Variants in TOR3A observed in about 807,000 individuals in gnomAD.
TOR3A encodes the protein torsin-3A.
A neutral mutation model predicts 42.1 loss-of-function variants in TOR3A; 44 were observed. That is an observed-to-expected ratio of 1.04 (90% CI 0.82 to 1.34). The LOEUF (loss-of-function observed/expected upper bound fraction) is 1.34, where lower values mean the gene tolerates loss of function less well. Among genes scored for constraint, TOR3A ranks in the 40% most tolerant of loss-of-function variants. TOR3A has a pLI of 0.00. For missense variants in TOR3A, 521 were observed against 507.6 expected, an observed-to-expected ratio of 1.03 and a Z score of -0.25; for synonymous variants, 227 against 213.2, an observed-to-expected ratio of 1.06 and a Z score of -0.57.
rs898117000 is a variant in TOR3A at position 179,082,860 on chromosome 1, C to T, written c.260-80C>T. On this transcript the variant is annotated intron_variant, in intron 1 of 5. Transcript: ENST00000367627. The stretch of plus-strand genomic sequence containing the variant: ...GTTCTGGGTGTCCCTCTGTCCCTGA[C>T]AAGTTGTGTGGCAAGGTTGCCGCAT... The T allele has an allele frequency of 2.4e-5, 23 of 939,292 alleles. No individual in the cohort carries two copies. The Admixed American group carries it at 3.0e-4, about 12-fold the overall frequency. The allele number at this position is 939,292 out of a possible 1,614,324, so 58.2% of individuals were successfully genotyped here. A position where few individuals can be genotyped will look rare whatever the true frequency, so the allele number is the denominator to read the frequency against.
chr1:179,092,841 C>CAAAAAAAAAAA (rs1349060090), intron 4 of TOR3A, among the ~76,000 whole-genome samples: 1 of 146,068 alleles, frequency 6.8e-6, no homozygotes, highest in South Asian at 2.2e-4. Flanking sequence ...AACTCTGTCT[C>CAAAAAAAAAAA]AAGAAAAAAA....
Position 179,095,412 on chromosome 1 carries a change from T to TGC in TOR3A, c.*195_*196insCG. 2 of 1,427,104 alleles carry TGC rather than the reference T, an allele frequency of 1.4e-6. No homozygotes were observed. Among genetic ancestry groups the TGC allele is most frequent in the Non-Finnish European group, 1.8e-6 (2 of 1,096,486 alleles). The allele number at this position is 1,427,104 out of a possible 1,614,324, so 88.4% of individuals were successfully genotyped here. ...CCAAGCCAATCCTTTTTCTTTTTTT[T>TGC]GGAGGTCCCACCGAGATAGATAGGA... is the stretch of plus-strand genomic sequence containing the variant. On this transcript the variant is annotated 3_prime_UTR_variant, in exon 6 of 6. Transcript: ENST00000367627.
At chr1:179,087,514 G>A (rs1652463588) in intron 3 of TOR3A, among the ~76,000 whole-genome samples, 1 of 152,214 alleles carries the variant, frequency 6.6e-6, no homozygotes, top group South Asian at 2.1e-4. Context: ...TGTTTTTGTT[G>A]TAGAAGTAAT....
intron 4 of TOR3A, 133 bp from the exon 5 acceptor site, chr1:179,093,960 C>A: frequency 1.7e-6 from 2 of 1,191,092 alleles, no homozygotes; most frequent in African/African-American, 1.5e-5. Flanking sequence ...ACAAGGTCTC[C>A]TGGAAGAGAG....
At position 179,088,072 on chromosome 1, in the gene TOR3A, TA is replaced by T. The variant is rs767536884; in HGVS notation, c.802del (p.Ile268SerfsTer12). 1.3e-5 allele frequency: 20 copies of T among 1,591,848 alleles called. No individual in the cohort carries two copies. Among genetic ancestry groups the T allele is most frequent in the Non-Finnish European group, 1.7e-5 (20 of 1,171,302 alleles). On this transcript the variant is annotated frameshift_variant, in exon 4 of 6. Coordinates refer to ENST00000367627, the MANE Select transcript of TOR3A (RefSeq NM_022371.4). LOFTEE classifies it high-confidence loss of function. ...GCCACAGGGCTGAGTCTCCATGGAC[TA>T]TCTTTCTGTTTCTCAGGTGGGTTCT... ...EGHRAESPWT[I>X]FLFLSNLRGD...
intron 2 of TOR3A, 46 bp downstream of exon 2, chr1:179,083,099 G>A (rs1349060374): frequency 2.4e-6 from 3 of 1,229,004 alleles, no homozygotes; most frequent in Non-Finnish European, 3.3e-6. Flanking sequence ...TGTGGGGAGG[G>A]GAGGCAGTCC....
chr1:179,082,464 C>T (rs1572571439), intron 1 of TOR3A, 77 bp downstream of exon 1: 3 of 1,501,744 alleles, frequency 2.0e-6, no homozygotes, highest in African/African-American at 1.4e-5. Context: ...TCGCCTCGCT[C>T]CTGTCCGGGG....
At position 179,082,978 on chromosome 1, in the gene TOR3A, C is replaced by T. The variant is rs1572571811; in HGVS notation, c.298C>T (p.Leu100Phe). The T allele has an allele frequency of 6.3e-7, 1 of 1,590,062 alleles. No individual in the cohort carries two copies. The highest frequency in any genetic ancestry group is 1.2e-5 in the South Asian group (1 of 86,934). The stretch of plus-strand genomic sequence containing the variant: ...TCTGTTGGGCCAGCGGTACCTGGAC[C>T]TCCTGACCACGTGGTACTGCAGCTT... ...LPLLGQRYLD[L>F]LTTWYCSFKD... is the part of the protein sequence containing the mutation. The change falls in exon 2 of 6, where the codon CTC becomes TTC. Residue 100 changes from leucine to phenylalanine, a missense_variant. Transcript: ENST00000367627.
rs1236243196 is a variant in TOR3A, at chr1:179,087,954, A to C, written c.683A>C (p.His228Pro). The C allele has an allele frequency of 1.2e-6, 2 of 1,610,446 alleles. No homozygotes were observed. The highest frequency in any genetic ancestry group is 1.7e-6 in the Non-Finnish European group (2 of 1,178,372). ...ATCCGGGAGACGCAGCAGCTCTGCC[A>C]CCAGACCCTGTTCATCTTCGATGAA... ...SQIRETQQLC[H>P]QTLFIFDEAE... is the part of the protein sequence containing the mutation. The change falls in exon 4 of 6, where the codon CAC (histidine) becomes CCC (proline). Residue 228 changes from histidine (H) to proline (P), a missense_variant. Physicochemically the swap from His to Pro is moderately conservative, Grantham distance 77. Transcript: ENST00000367627.
rs200597532 is a variant in TOR3A, at chr1:179,095,007, T to A, written c.983T>A (p.Leu328Gln). 36 of 1,614,092 alleles carry A rather than the reference T, an allele frequency of 2.2e-5. No individual in the cohort carries two copies. Among genetic ancestry groups the A allele is most frequent in the Middle Eastern group, 3.3e-4 (2 of 6,084 alleles). The change falls in exon 6 of 6, where the codon CTG (leucine) becomes CAG (glutamine). Residue 328 changes from leucine (L) to glutamine (Q), a missense_variant. Physicochemically the swap from Leu to Gln is moderately radical, Grantham distance 113. Coordinates refer to ENST00000367627, the MANE Select transcript of TOR3A (RefSeq NM_022371.4). Reference sequence around the variant, plus strand: ...CACAGCCGTCTTGTGAAGGAAAACCTGATTGACTACTTCATCCCCTTCCTG... The same window carrying A: ...CACAGCCGTCTTGTGAAGGAAAACCAGATTGACTACTTCATCCCCTTCCTG... ...FGHSRLVKEN[L>Q]IDYFIPFLPL... is the part of the protein sequence containing the mutation.
chr1:179,093,997 T>C (rs1223282792), intron 4 of TOR3A, 96 bp from the exon 5 acceptor site: 35 of 1,472,652 alleles, frequency 2.4e-5, no homozygotes, highest in Non-Finnish European at 3.0e-5. Flanking sequence ...TCAGCCTCTA[T>C]TCTTCCAGGC....
In TOR3A at chr1:179,088,035, G is replaced by A. The variant is rs200040248; in HGVS notation, c.764G>A (p.Arg255Gln). The change falls in exon 4 of 6, where the codon CGG (arginine) becomes CAG (glutamine). Residue 255 changes from arginine (R) to glutamine (Q), a missense_variant. Physicochemically the swap from Arg to Gln is conservative, Grantham distance 43. Transcript: ENST00000367627. The part of the protein sequence containing the change: ...LEVLGPHLER[R>Q]APEGHRAESP... ...GTCCTTGGGCCACACTTAGAACGCC[G>A]GGCCCCTGAGGGCCACAGGGCTGAG... The A allele has an allele frequency of 3.8e-5, 62 of 1,612,868 alleles. No homozygotes were observed. The highest frequency in any genetic ancestry group is 1.1e-4 in the South Asian group (10 of 90,952).
chr1:179,088,081 G>A lies in TOR3A; in HGVS notation c.810G>A (p.Leu270=). The change falls in exon 4 of 6, where the codon CTG becomes CTA. Residue 270 remains leucine, a synonymous_variant. Coordinates refer to ENST00000367627, the MANE Select transcript of TOR3A (RefSeq NM_022371.4). ...CTGAGTCTCCATGGACTATCTTTCT[G>A]TTTCTCAGGTGGGTTCTGGGGAACA... The part of the protein sequence containing the change: ...HRAESPWTIF[L]FLSNLRGDII... 5.0e-6 allele frequency: 8 copies of A among 1,588,666 alleles called. No individual in the cohort carries two copies. The highest frequency in any genetic ancestry group is 6.8e-6 in the Non-Finnish European group (8 of 1,169,428).
chr1:179,088,108 TAGTC>T lies in TOR3A; in HGVS notation c.818+22_818+25del, dbSNP rs1557887847. Reference sequence around the variant, plus strand: ...TTCTCAGGTGGGTTCTGGGGAACAATAGTCAGGAGGGCTGGGGGAGGGGAAGATA... The same window carrying T: ...TTCTCAGGTGGGTTCTGGGGAACAATAGGAGGGCTGGGGGAGGGGAAGATA... On this transcript the variant is annotated intron_variant, in intron 4 of 5. Transcript: ENST00000367627. 12 of 1,543,210 alleles carry T rather than the reference TAGTC, an allele frequency of 7.8e-6. No homozygotes were observed. Among genetic ancestry groups the T allele is most frequent in the Non-Finnish European group, 8.7e-6 (10 of 1,145,384 alleles).
chr1:179,082,685 C>A (rs751461726), intron 1 of TOR3A: 16 of 704,452 alleles, frequency 2.3e-5, no homozygotes, highest in South Asian at 6.0e-5. Context: ...TCCCAGCCCA[C>A]CCTGGCGTTA....
rs1245961869 is a variant in TOR3A, at chr1:179,088,057, T to G, written c.786T>G (p.Ala262=). The part of the protein sequence containing the change: ...LERRAPEGHR[A]ESPWTIFLFL... ...GCCGGGCCCCTGAGGGCCACAGGGCTGAGTCTCCATGGACTATCTTTCTGT... is the reference window on the plus strand; with the variant it reads ...GCCGGGCCCCTGAGGGCCACAGGGCGGAGTCTCCATGGACTATCTTTCTGT... The change falls in exon 4 of 6, where the codon GCT becomes GCG. Residue 262 remains alanine (A), a synonymous_variant. Transcript: ENST00000367627. 8 of 1,607,128 alleles carry G rather than the reference T, an allele frequency of 5.0e-6. No individual in the cohort carries two copies. The highest frequency in any genetic ancestry group is 6.8e-6 in the Non-Finnish European group (8 of 1,177,394).
rs149941828 is a variant in TOR3A, at chr1:179,094,170, T to C, written c.896T>C (p.Met299Thr). The change falls in exon 5 of 6, where the codon ATG becomes ACG. Residue 299 changes from methionine to threonine, a missense_variant. Met to Thr is a moderately conservative substitution (Grantham distance 81, BLOSUM62 -1). Transcript: ENST00000367627. ...GGATGGTCCCGGGAAGAAATTACGATGGAACACCTGGAGCCCCACCTCCAG... is the reference window on the plus strand; with the variant it reads ...GGATGGTCCCGGGAAGAAATTACGACGGAACACCTGGAGCCCCACCTCCAG... Reference protein sequence around the residue: ...KAGWSREEITMEHLEPHLQAE... With the variant: ...KAGWSREEITTEHLEPHLQAE... 6.2e-7 allele frequency: 1 copy of C among 1,613,920 alleles called. No individual in the cohort carries two copies. The highest frequency in any genetic ancestry group is 8.5e-7 in the Non-Finnish European group (1 of 1,179,972).
intron 2 of TOR3A, among the ~76,000 whole-genome samples, chr1:179,083,612 T>C (rs1273777061): frequency 1.4e-5 from 2 of 139,344 alleles, no homozygotes; most frequent in East Asian, 2.4e-4. Flanking sequence ...GGTTTCACCA[T>C]GTTGGCCAGG....
In TOR3A at chr1:179,094,839, C is replaced by G. The variant is rs1652689582; in HGVS notation, c.944-129C>G. ...GCTGCAAGGAGCCCAGATCTCACCA[C>G]TGCACTCCAGCCTGGTTGACAGAGC... is the stretch of plus-strand genomic sequence containing the variant. On this transcript the variant is annotated intron_variant, in intron 5 of 5. Coordinates refer to ENST00000367627, the MANE Select transcript of TOR3A (RefSeq NM_022371.4). 9 of 872,878 alleles carry G rather than the reference C, an allele frequency of 1.0e-5. No individual in the cohort carries two copies. In the Admixed American group the frequency reaches 1.7e-4, roughly 17 times the overall value. 54.1% of individuals were successfully genotyped at this position (872,878 alleles called of 1,614,324 possible).
Sources: gnomAD v4.1 joint callset for allele counts (sites outside exome capture counted in the v4.1 genomes callset) on GRCh38, gnomAD v4.1.1 for gene constraint, MANE v1.5 for transcripts, NCBI Gene and HGNC (gene_info 2026-07-23, HGNC 2026-07-21) for gene names.